The following RFC3 variants were observed in gnomAD, a reference collection of about 807,000 sequenced individuals.
RFC3 encodes A1 38 kDa subunit.
RFC3 carries 41 observed loss-of-function variants against 45.1 expected under a neutral mutation model. The ratio of observed to expected loss-of-function variants is 0.91; its 90% CI spans 0.71 to 1.18. The LOEUF is 1.18. Ranked by LOEUF, RFC3 falls within the 50% of genes most tolerant of loss-of-function variation. The pLI is 0.00. For missense variants in RFC3, 423 were observed against 428.1 expected (o/e 0.99, Z 0.10); for synonymous variants, 149 against 144.0 (o/e 1.03, Z -0.25).
chr13:33,886,244 G>C (rs985054004), intron 8 of RFC3, among the ~76,000 whole-genome samples: 1 of 152,014 alleles, frequency 6.6e-6, no homozygotes, highest in South Asian at 2.1e-4. Flanking sequence ...CTTTTTTCTA[G>C]ATTTTAAGAA....
intron 8 of RFC3, among the ~76,000 whole-genome samples, chr13:33,963,580 TG>T (rs36103705): frequency 0.083 from 12,648 of 152,286 alleles, 575 homozygotes; most frequent in South Asian, 0.14. Context: ...CCTACTCACA[TG>T]CCTGATTACA....
chr13:33,941,568 T>C lies in RFC3; in HGVS notation c.880-24519T>C, dbSNP rs144080698. Among the ~76,000 whole-genome samples the C allele has an allele frequency of 2.6e-5, 4 of 152,302 alleles. No individual in the cohort carries two copies. The East Asian group carries it at 7.7e-4, about 29-fold the overall frequency. On this transcript the variant is annotated intron_variant, in intron 8 of 8. Transcript: ENST00000434425. ...CACTTTGTTTTTGGCACCATAAATA[T>C]ATACTTTTATTGTCTTTTAACTGCC... is the stretch of plus-strand genomic sequence containing the variant.
chr13:33,835,485 T>A, intron 8 of RFC3: 1 of 625,234 alleles, frequency 1.6e-6, no homozygotes, highest in Middle Eastern at 2.7e-4. Flanking sequence ...TTGTAAGTGC[T>A]GTAAAGGAAA....
intron 8 of RFC3, among the ~76,000 whole-genome samples, chr13:33,924,725 G>A (rs866211362): frequency 7.6e-6 from 1 of 132,144 alleles, no homozygotes; most frequent in Non-Finnish European, 1.6e-5. Flanking sequence ...GTGTGTGTGT[G>A]TGTATATATA....
At chr13:33,974,532 C>T in the RFC3 span, among the ~76,000 whole-genome samples, 47 of 152,166 alleles carry the variant, frequency 3.1e-4, no homozygotes, top group African/African-American at 1.1e-3. Flanking sequence ...AGGATTCTTA[C>T]CTGACTGTAT....
chr13:33,830,227 A>T (rs1303055667), intron 5 of RFC3, among the ~76,000 whole-genome samples: 1 of 152,210 alleles, frequency 6.6e-6, no homozygotes, highest in Non-Finnish European at 1.5e-5. Context: ...AACCATCTTT[A>T]CTTTGAACAA....
intron 4 of RFC3, among the ~76,000 whole-genome samples, chr13:33,828,348 C>T (rs1419450441): frequency 2.0e-5 from 3 of 152,088 alleles, no homozygotes; most frequent in Non-Finnish European, 4.4e-5. Flanking sequence ...CTTCCTAGCT[C>T]GGCTACCCAC....
intron 8 of RFC3, among the ~76,000 whole-genome samples, chr13:33,963,687 C>T (rs976586587): frequency 2.0e-5 from 3 of 152,118 alleles, no homozygotes; most frequent in African/African-American, 7.2e-5. Flanking sequence ...TAATGGACTT[C>T]TGGGCTTCCC....
In RFC3 at chr13:33,855,931, T is replaced by A. The variant is rs142778448; in HGVS notation, c.879+20714T>A. ...CATTCTCTAGGTTATCTGTTTAGTT[T>A]GCTGATAGTTTCTTTTGCTGTGCAG... On this transcript the variant is annotated intron_variant, in intron 8 of 8. Coordinates refer to the RFC3 transcript ENST00000434425. Among the ~76,000 whole-genome samples, 762 of 152,344 alleles carry A rather than the reference T, an allele frequency of 5.0e-3. 11 individuals carry two copies. The East Asian group carries it at 0.051, about 10-fold the overall frequency.
intron 8 of RFC3, among the ~76,000 whole-genome samples, chr13:33,857,257 T>C (rs9598192): frequency 0.063 from 9,641 of 152,260 alleles, 632 homozygotes; most frequent in East Asian, 0.16. Context: ...ATCTCTGACA[T>C]GCTACATTAG....
At chr13:33,847,643 C>G (rs2082247885) in intron 8 of RFC3, 1 of 151,580 alleles carries the variant, frequency 6.6e-6, no homozygotes, top group Non-Finnish European at 1.5e-5. Context: ...TCTTTCTACT[C>G]TTTACACATT....
intron 8 of RFC3, among the ~76,000 whole-genome samples, chr13:33,872,802 C>CCCA (rs1555235500): frequency 7.5e-6 from 1 of 133,230 alleles, no homozygotes; most frequent in African/African-American, 2.9e-5. Flanking sequence ...ACCCCCCCCC[C>CCCA]CAAAATACAT....
At chr13:33,882,171 T>C (rs186712593) in intron 8 of RFC3, among the ~76,000 whole-genome samples, 4 of 152,366 alleles carry the variant, frequency 2.6e-5, no homozygotes, top group African/African-American at 9.6e-5. Flanking sequence ...GCATCTTATG[T>C]AAACATAATG....
chr13:33,883,816 G>GA (rs2082501896), intron 8 of RFC3, among the ~76,000 whole-genome samples: 1 of 152,132 alleles, frequency 6.6e-6, no homozygotes, highest in Non-Finnish European at 1.5e-5. Context: ...AGAAGATCAG[G>GA]AAAACAACAC....
intron 8 of RFC3, among the ~76,000 whole-genome samples, chr13:33,909,578 T>C (rs538309008): frequency 6.6e-6 from 1 of 152,218 alleles, no homozygotes; most frequent in Non-Finnish European, 1.5e-5. Context: ...TCTTCCTCTT[T>C]CTTCTATTCT....
intron 8 of RFC3, among the ~76,000 whole-genome samples, chr13:33,863,214 AATAC>A: frequency 6.6e-6 from 1 of 152,370 alleles, no homozygotes; most frequent in Middle Eastern, 3.4e-3. Flanking sequence ...GAATGAAAAC[AATAC>A]ATACATATAT....
At chr13:33,826,103 A>G (rs2082046872) in intron 4 of RFC3, among the ~76,000 whole-genome samples, 2 of 152,164 alleles carry the variant, frequency 1.3e-5, no homozygotes, top group African/African-American at 4.8e-5. Flanking sequence ...TAAAATCAGA[A>G]ATTACATGAT....
chr13:33,965,996 T>G, intron 8 of RFC3: 1 of 902,358 alleles, frequency 1.1e-6, no homozygotes, highest in South Asian at 1.4e-5. Context: ...TACTTTGAAG[T>G]GTATTACACA....
chr13:33,827,257 C>A (rs1230994979), intron 4 of RFC3, among the ~76,000 whole-genome samples: 1 of 152,126 alleles, frequency 6.6e-6, no homozygotes, highest in African/African-American at 2.4e-5. Flanking sequence ...CTACTGTACT[C>A]CAGCCAGGGT....
Sources: allele counts gnomAD v4.1 joint callset (sites outside exome capture counted in the v4.1 genomes callset), GRCh38; gene constraint gnomAD v4.1.1; transcripts MANE v1.5; gene names NCBI Gene and HGNC (gene_info 2026-07-23, HGNC 2026-07-21).